PHF3: variants seen among roughly 807,000 people sequenced by gnomAD.
The protein encoded by PHF3 is PHD finger protein 3.
PHF3 carries 41 observed loss-of-function variants against 178.4 expected under a neutral mutation model. The observed-to-expected ratio is 0.23, with a 90% CI of 0.18 to 0.30. The LOEUF (loss-of-function observed/expected upper bound fraction) is 0.30. PHF3 is among the 10% of genes least tolerant of loss of function. PHF3 has a pLI of 1.00. For synonymous variants in PHF3, 842 were observed against 800.5 expected (o/e 1.05, Z -0.88); for missense variants, 2,346 against 2,398.1 (o/e 0.98, Z 0.45).
rs753703309 is a variant in PHF3 at position 63,703,529 on chromosome 6, A to G, written c.3232-7A>G. 6.3e-7 allele frequency: 1 copy of G among 1,598,998 alleles called. No homozygotes were observed. Among genetic ancestry groups the G allele is most frequent in the East Asian group, 2.3e-5 (1 of 44,434 alleles). ...CTAAAACTAATTTTTACTTTGACTT[A>G]CGTTAGGAACCAGCCGCCAATAAGT... On this transcript the variant is annotated splice_region_variant and splice_polypyrimidine_tract_variant and intron_variant, in intron 10 of 15. Transcript: ENST00000262043.
intron 1 of PHF3, chr6:63,636,428 C>G (rs1335329704): frequency 1.3e-5 from 2 of 152,398 alleles, no homozygotes; most frequent in Admixed American, 6.5e-5. Context: ...GGACCACGGC[C>G]TCTCTCCCGA....
At chr6:63,641,905 G>A (rs139426675) in intron 1 of PHF3, among the ~76,000 whole-genome samples, 1,604 of 152,202 alleles carry the variant, frequency 0.011, 26 homozygotes, top group African/African-American at 0.037. Flanking sequence ...TGGGATTACA[G>A]GTGTGAGCCA....
At chr6:63,636,246 C>G (rs1459618371) in intron 1 of PHF3, 96 bp downstream of exon 1, 7 of 301,404 alleles carry the variant, frequency 2.3e-5, no homozygotes, top group Non-Finnish European at 6.1e-6. Context: ...CCTCTCCGCC[C>G]CTCCCGCGGC....
At position 63,698,566 on chromosome 6, in the gene PHF3, T is replaced by C. The variant is rs760030815; in HGVS notation, c.2943T>C (p.Tyr981=). Reference sequence around the variant, plus strand: ...CAGATGCTAAATATAAGAACAAATATAGAAGTTTGATGTTTAATTTGAAAG... The same window carrying C: ...CAGATGCTAAATATAAGAACAAATACAGAAGTTTGATGTTTAATTTGAAAG... The part of the protein sequence containing the change: ...RDTDAKYKNK[Y]RSLMFNLKDP... Residue 981 remains tyrosine (Y), a synonymous_variant, in exon 8 of 16, where the codon TAT becomes TAC. Coordinates refer to ENST00000262043, the MANE Select transcript of PHF3 (RefSeq NM_001370348.2). 3.0e-5 allele frequency: 48 copies of C among 1,583,390 alleles called. 1 individual carries two copies. Among genetic ancestry groups the C allele is most frequent in the Non-Finnish European group, 3.7e-5 (43 of 1,168,938 alleles).
intron 2 of PHF3, among the ~76,000 whole-genome samples, chr6:63,673,490 G>A (rs374796264): frequency 1.3e-5 from 2 of 151,622 alleles, no homozygotes; most frequent in African/African-American, 2.4e-5. Flanking sequence ...CTTATTCCAC[G>A]AAATACCTAA....
At chr6:63,687,419 C>A (rs1187000306) in intron 4 of PHF3, among the ~76,000 whole-genome samples, 1 of 152,110 alleles carries the variant, frequency 6.6e-6, no homozygotes, top group Non-Finnish European at 1.5e-5. Flanking sequence ...GAGACTGTCT[C>A]CATAAATAAA....
At chr6:63,682,552 T>G (rs1481344038) in intron 3 of PHF3, among the ~76,000 whole-genome samples, 1 of 152,162 alleles carries the variant, frequency 6.6e-6, no homozygotes, top group Non-Finnish European at 1.5e-5. Context: ...TAGATCCATG[T>G]ATTTATTTCA....
chr6:63,703,358 A>G (rs1767557035), intron 10 of PHF3, among the ~76,000 whole-genome samples, 178 bp from the exon 11 acceptor site: 1 of 152,214 alleles, frequency 6.6e-6, no homozygotes, highest in Non-Finnish European at 1.5e-5. Context: ...AGTCACAGTT[A>G]AAAGCTAGCA....
In PHF3 at chr6:63,680,180, T is replaced by G. The variant is rs776793128; in HGVS notation, c.406+19T>G. The stretch of plus-strand genomic sequence containing the variant: ...GCACAAGGTAATCCTTTGAGAGAGG[T>G]CTAGCTAGAAAATTAGAGGTATAGG... On this transcript the variant is annotated intron_variant, in intron 3 of 15. Transcript: ENST00000262043. The G allele has an allele frequency of 1.9e-6, 3 of 1,574,354 alleles. No individual in the cohort carries two copies. The highest frequency in any genetic ancestry group is 2.6e-6 in the Non-Finnish European group (3 of 1,164,716).
Position 63,714,259 on chromosome 6 carries a change from A to G in PHF3, c.*551A>G, listed in dbSNP as rs1768105086. 2 of 152,654 alleles carry G rather than the reference A, an allele frequency of 1.3e-5. No homozygotes were observed. The highest frequency in any genetic ancestry group is 1.3e-4 in the Admixed American group (2 of 15,256). 9.5% of individuals were successfully genotyped at this position (152,654 alleles called of 1,614,324 possible). A position where few individuals can be genotyped will look rare whatever the true frequency, so the allele number is the denominator to read the frequency against. The stretch of plus-strand genomic sequence containing the variant: ...GGGTACATTTATTGCTTTAATCTGC[A>G]CTCATTGAAGTCATTTATTACCATA... On this transcript the variant is annotated 3_prime_UTR_variant, in exon 16 of 16. Transcript: ENST00000262043.
chr6:63,709,130 T>G (rs200715511), intron 13 of PHF3, 21 bp from the exon 14 acceptor site: 4 of 546,570 alleles, frequency 7.3e-6, no homozygotes, highest in Non-Finnish European at 1.1e-5. Context: ...ATTGATCTCT[T>G]TTTTTTTTTT....
At chr6:63,662,593 A>G (rs1765515138) in intron 2 of PHF3, among the ~76,000 whole-genome samples, 1 of 152,102 alleles carries the variant, frequency 6.6e-6, no homozygotes, top group Admixed American at 6.6e-5. Context: ...ATCTTCTCAA[A>G]AGATTTCTGA....
At chr6:63,688,369 C>T (rs1227363987) in intron 4 of PHF3, among the ~76,000 whole-genome samples, 1 of 1,076 alleles carries the variant, frequency 9.3e-4, no homozygotes, top group Non-Finnish European at 1.2e-3. Context: ...CAAAGTCTCA[C>T]TGTTGCCCAG....
intron 2 of PHF3, among the ~76,000 whole-genome samples, chr6:63,673,501 T>G (rs35984090): frequency 6.6e-6 from 1 of 152,158 alleles, no homozygotes; most frequent in South Asian, 2.1e-4. Context: ...AAATACCTAA[T>G]AACAGGATAA....
rs945905428 is a variant in PHF3, at chr6:63,662,987, T to C, written c.244+16192T>C. 2.0e-5 allele frequency among the ~76,000 whole-genome samples: 3 copies of C among 152,258 alleles called. No individual in the cohort carries two copies. The East Asian group carries it at 5.8e-4, about 29-fold the overall frequency. On this transcript the variant is annotated intron_variant, in intron 2 of 15. Transcript: ENST00000262043. Reference sequence around the variant, plus strand: ...GTGTGAATAGTCCCCTTAAGTTGAGTGGACAACAGCCTGGATAGTTTAAGG... The same window carrying C: ...GTGTGAATAGTCCCCTTAAGTTGAGCGGACAACAGCCTGGATAGTTTAAGG...
rs1768097802 is a variant in PHF3, at chr6:63,714,056, A to G, written c.*348A>G. ...ACTATGGAATATATTTACTTCCTCT[A>G]GTGAATGTCCTTTATATAATGACTA... On this transcript the variant is annotated 3_prime_UTR_variant, in exon 16 of 16. Transcript: ENST00000262043. 5.8e-6 allele frequency: 1 copy of G among 172,916 alleles called. No individual in the cohort carries two copies. The highest frequency in any genetic ancestry group is 1.8e-4 in the South Asian group (1 of 5,492). 10.7% of individuals were successfully genotyped at this position (172,916 alleles called of 1,614,324 possible). A position where few individuals can be genotyped will look rare whatever the true frequency, so the allele number is the denominator to read the frequency against.
Position 63,703,677 on chromosome 6 carries a change from T to C in PHF3, c.3367+6T>C. ...CAACTGCAAAATCTGCATAGGTAATTGGAAGTTTTTCTTCGTAAAATTTTG... is the reference window on the plus strand; with the variant it reads ...CAACTGCAAAATCTGCATAGGTAATCGGAAGTTTTTCTTCGTAAAATTTTG... On this transcript the variant is annotated splice_donor_region_variant and intron_variant, in intron 11 of 15. Coordinates refer to ENST00000262043, the MANE Select transcript of PHF3 (RefSeq NM_001370348.2). The C allele has an allele frequency of 6.3e-7, 1 of 1,585,922 alleles. No homozygotes were observed. The highest frequency in any genetic ancestry group is 1.4e-5 in the African/African-American group (1 of 72,900).
intron 3 of PHF3, among the ~76,000 whole-genome samples, chr6:63,683,901 T>C (rs1425900886): frequency 1.3e-5 from 2 of 152,074 alleles, no homozygotes; most frequent in East Asian, 1.9e-4. Flanking sequence ...TTAGAGGCTT[T>C]TCCCCCTGCT....
At chr6:63,655,841 C>G (rs1765210677) in intron 2 of PHF3, among the ~76,000 whole-genome samples, 1 of 151,962 alleles carries the variant, frequency 6.6e-6, no homozygotes, top group Non-Finnish European at 1.5e-5. Context: ...TGGGGTTTTG[C>G]TATGTTGCCC....
Sources: allele counts gnomAD v4.1 joint callset (sites outside exome capture counted in the v4.1 genomes callset), GRCh38; gene constraint gnomAD v4.1.1; transcripts MANE v1.5; gene names NCBI Gene and HGNC (gene_info 2026-07-23, HGNC 2026-07-21).